KSR2: variants seen among roughly 807,000 people sequenced by gnomAD.
KSR2 encodes kinase suppressor of ras 2.
A neutral mutation model predicts 107.8 loss-of-function variants in KSR2; 25 were observed. The observed-to-expected ratio is 0.23, with a 90% CI of 0.17 to 0.32. The LOEUF (loss-of-function observed/expected upper bound fraction) is 0.32, where lower values mean the gene tolerates loss of function less well. KSR2 is among the 10% of genes least tolerant of loss of function. KSR2 has a pLI of 1.00. For missense variants in KSR2, 887 were observed against 1,268.9 expected (o/e 0.70, Z 4.57); for synonymous variants, 480 against 507.0 (o/e 0.95, Z 0.71).
intron 4 of KSR2, among the ~76,000 whole-genome samples, chr12:117,707,089 T>C (rs1393632395): frequency 6.6e-6 from 1 of 152,212 alleles, no homozygotes; most frequent in Non-Finnish European, 1.5e-5. Context: ...ACTACATGAA[T>C]AAACTTTGAC....
At chr12:117,560,481 C>T (rs1442446377) in intron 7 of KSR2, among the ~76,000 whole-genome samples, 2 of 151,956 alleles carry the variant, frequency 1.3e-5, no homozygotes, top group Non-Finnish European at 2.9e-5. Context: ...GACGTAAGCC[C>T]CTCTCCAATT....
chr12:117,609,942 T>C (rs1881503437), intron 5 of KSR2, among the ~76,000 whole-genome samples: 1 of 152,138 alleles, frequency 6.6e-6, no homozygotes. Flanking sequence ...CTACTACCTG[T>C]CCCTTTATGG....
At chr12:117,959,805 T>A (rs1896609255) in intron 1 of KSR2, among the ~76,000 whole-genome samples, 1 of 151,848 alleles carries the variant, frequency 6.6e-6, no homozygotes, top group African/African-American at 2.4e-5. Flanking sequence ...GTGATGCACA[T>A]CTGCAGTCCC....
At chr12:117,656,941 G>GATATATATATATATAT (rs71099068) in intron 5 of KSR2, among the ~76,000 whole-genome samples, 2 of 102,484 alleles carry the variant, frequency 2.0e-5, no homozygotes, top group Non-Finnish European at 3.6e-5. Flanking sequence ...TATATAATAG[G>GATATATATATATATAT]ATATATATAT....
Position 117,555,158 on chromosome 12 carries a change from C to T in KSR2, c.1518+11G>A. 3.7e-6 allele frequency: 6 copies of T among 1,613,782 alleles called. No homozygotes were observed. The highest frequency in any genetic ancestry group is 5.1e-6 in the Non-Finnish European group (6 of 1,179,812). On this transcript the variant is annotated intron_variant, in intron 9 of 19. Coordinates refer to ENST00000339824, the MANE Select transcript of KSR2 (RefSeq NM_173598.6). Reference sequence around the variant, plus strand: ...CCCACATGCCGAGACCCAGGGGAAGCCCAGCCTTACCTTGTTGATTTTGTT... The same window carrying T: ...CCCACATGCCGAGACCCAGGGGAAGTCCAGCCTTACCTTGTTGATTTTGTT...
At chr12:117,926,214 C>A (rs76765130) in intron 1 of KSR2, among the ~76,000 whole-genome samples, 17,952 of 152,050 alleles carry the variant, frequency 0.12, 1,186 homozygotes, top group East Asian at 0.2. Context: ...AAATAACAAC[C>A]GAGAAAAGGG....
At chr12:117,553,896 C>T (rs1020061935) in intron 9 of KSR2, among the ~76,000 whole-genome samples, 9 of 151,526 alleles carry the variant, frequency 5.9e-5, no homozygotes, top group Admixed American at 3.9e-4. Flanking sequence ...TTCCTTTCAC[C>T]GTGTGATGCG....
At position 117,465,497 on chromosome 12, in the gene KSR2, C is replaced by T. The variant is rs1468572571; in HGVS notation, c.*1702G>A. On this transcript the variant is annotated 3_prime_UTR_variant, in exon 20 of 20. Coordinates refer to ENST00000339824, the MANE Select transcript of KSR2 (RefSeq NM_173598.6). ...GGCTCCTGGGAAGCATGACTGATCT[C>T]ACCATTCTTCCCGGTTTGGAAGCAG... 6.6e-6 allele frequency: 1 copy of T among 152,192 alleles called. No homozygotes were observed. Among genetic ancestry groups the T allele is most frequent in the Non-Finnish European group, 1.5e-5 (1 of 68,056 alleles). 9.4% of individuals were successfully genotyped at this position (152,192 alleles called of 1,614,324 possible).
At chr12:117,509,695 C>G (rs533360805) in intron 14 of KSR2, among the ~76,000 whole-genome samples, 2 of 152,146 alleles carry the variant, frequency 1.3e-5, no homozygotes, top group East Asian at 1.9e-4. Flanking sequence ...CTCCAAGTCC[C>G]GAAGGGCTGT....
Position 117,558,576 on chromosome 12 carries a change from G to A in KSR2, c.1326-3C>T. On this transcript the variant is annotated splice_region_variant and splice_polypyrimidine_tract_variant and intron_variant, in intron 7 of 19. Transcript: ENST00000339824. ...TGCATTTGTTGTGGCACTTTAACCT[G>A]AGAAAGATAAAGAGAGAGAAAGATG... 3 of 1,613,020 alleles carry A rather than the reference G, an allele frequency of 1.9e-6. No individual in the cohort carries two copies. The highest frequency in any genetic ancestry group is 2.5e-6 in the Non-Finnish European group (3 of 1,179,064).
At chr12:117,845,502 T>C (rs753887172) in intron 3 of KSR2, among the ~76,000 whole-genome samples, 7 of 152,198 alleles carry the variant, frequency 4.6e-5, no homozygotes, top group Non-Finnish European at 8.8e-5. Flanking sequence ...GGTTAAGCGA[T>C]AGACCCCAGT....
In KSR2 at chr12:117,639,121, A is replaced by C. The variant is rs1484245566; in HGVS notation, c.1171+28353T>G. ...ACTTAGTTTTTGAAAATATTGTATT[A>C]AAATATTTTCATCTTGATATCTGAG... On this transcript the variant is annotated intron_variant, in intron 5 of 19. Transcript: ENST00000339824. 2.6e-5 allele frequency among the ~76,000 whole-genome samples: 4 copies of C among 152,146 alleles called. No individual in the cohort carries two copies. In the East Asian group the frequency reaches 5.8e-4, roughly 22 times the overall value.
Position 117,460,565 on chromosome 12 carries a change from G to A in KSR2, c.*6634C>T, listed in dbSNP as rs1285983565. On this transcript the variant is annotated 3_prime_UTR_variant, in exon 20 of 20. Transcript: ENST00000339824. ...GTTCAAGCTTCCGTGCAAACTCCCAGTATGGTCCCTGCCAGCCCCTGCACC... is the reference window on the plus strand; with the variant it reads ...GTTCAAGCTTCCGTGCAAACTCCCAATATGGTCCCTGCCAGCCCCTGCACC... The A allele has an allele frequency of 2.0e-5, 3 of 152,200 alleles. No homozygotes were observed. Among genetic ancestry groups the A allele is most frequent in the Admixed American group, 6.5e-5 (1 of 15,284 alleles). 9.4% of individuals were successfully genotyped at this position (152,200 alleles called of 1,614,324 possible).
chr12:117,634,502 A>G (rs185703662), intron 5 of KSR2, among the ~76,000 whole-genome samples: 1 of 152,154 alleles, frequency 6.6e-6, no homozygotes, highest in African/African-American at 2.4e-5. Context: ...AATTCACTCC[A>G]AGCAAAAAAA....
At chr12:117,540,001 C>G (rs945419226) in intron 9 of KSR2, 114 bp from the exon 10 acceptor site, 2 of 852,688 alleles carry the variant, frequency 2.3e-6, no homozygotes, top group Admixed American at 6.0e-5. Context: ...CAATTCTTGC[C>G]CTTTCCTCAG....
chr12:117,582,337 C>T lies in KSR2; in HGVS notation c.1194G>A (p.Trp398Ter). The change falls in exon 6 of 20, where the codon TGG (tryptophan) becomes TGA (stop). Residue 398 changes from tryptophan to a stop codon, truncating the protein, a stop_gained. Transcript: ENST00000339824. LOFTEE classifies it high-confidence loss of function. ...GATCTCTGCGAGGGATCTGCGGGGA[C>T]CAGCGTGGCACTGACAGTGTGTCTA... The part of the protein sequence containing the change: ...FSANTLSVPR[W>*]SPQIPRRDLG... The T allele has an allele frequency of 6.2e-7, 1 of 1,613,732 alleles. No individual in the cohort carries two copies.
chr12:117,640,311 C>T (rs2393245), intron 5 of KSR2, among the ~76,000 whole-genome samples: 25,078 of 151,586 alleles, frequency 0.17, 2,161 homozygotes, highest in Middle Eastern at 0.23. Context: ...AGTGCAGTGG[C>T]GCGATCTCAG....
rs1033589711 is a variant in KSR2 at position 117,760,996 on chromosome 12, A to G, written c.986+15T>C. 3.1e-6 allele frequency: 5 copies of G among 1,612,604 alleles called. No homozygotes were observed. In the African/African-American group the frequency reaches 6.7e-5, roughly 22 times the overall value. On this transcript the variant is annotated intron_variant, in intron 4 of 19. Transcript: ENST00000339824. ...GGGTTTCGACCGCCCCAGGGCACCC[A>G]CCGATCGCACTCACTTGGGCGTGTG...
chr12:117,786,820 G>A (rs533268643), intron 3 of KSR2, among the ~76,000 whole-genome samples: 8 of 151,568 alleles, frequency 5.3e-5, no homozygotes, highest in Admixed American at 1.3e-4. Flanking sequence ...CACTGAGGTC[G>A]GGAGTTCGAG....
Sources: allele counts gnomAD v4.1 joint callset (sites outside exome capture counted in the v4.1 genomes callset), GRCh38; gene constraint gnomAD v4.1.1; transcripts MANE v1.5; gene names NCBI Gene and HGNC (gene_info 2026-07-23, HGNC 2026-07-21).